RUNX1: variants seen among roughly 807,000 people sequenced by gnomAD.
The protein encoded by RUNX1 is runt-related transcription factor 1.
In RUNX1, 19 loss-of-function variants were observed where a neutral mutation model predicts 42.8. The observed-to-expected ratio is 0.44, with a 90% CI of 0.31 to 0.65. RUNX1 has a LOEUF of 0.65. Among genes scored for constraint, RUNX1 ranks in the 30% least tolerant of loss-of-function variants. The pLI, the probability that RUNX1 is intolerant of heterozygous loss-of-function variation, is 0.07. For synonymous variants in RUNX1, 271 were observed against 289.4 expected, an observed-to-expected ratio of 0.94 and a Z score of 0.64; for missense variants, 528 against 672.0, an observed-to-expected ratio of 0.79 and a Z score of 2.37.
In RUNX1 at chr21:34,887,075, A is replaced by G; in HGVS notation, c.119T>C (p.Phe40Ser). The change falls in exon 4 of 9, where the codon TTC becomes TCC. Residue 40 changes from phenylalanine to serine, a missense_variant. Physicochemically the swap from Phe to Ser is radical, Grantham distance 155. Around this residue, in one of 3 missense-constraint regions of RUNX1, gnomAD observed 114 missense variants for 115.0 expected, o/e 0.99. Coordinates refer to ENST00000675419, the MANE Select transcript of RUNX1 (RefSeq NM_001754.5). ...GCTCAGCGCGGTGGAAGGCGGCGTG[A>G]AGCGGCGGCTCGTGCTGGCATCTAC... ...DVHDASTSRR[F>S]TPPSTALSPG... is the part of the protein sequence containing the mutation. 6.3e-7 allele frequency: 1 copy of G among 1,598,778 alleles called. No individual in the cohort carries two copies. The highest frequency in any genetic ancestry group is 1.7e-4 in the Middle Eastern group (1 of 6,056).
At chr21:35,017,842 TAA>T (rs1334702419) in intron 2 of RUNX1, among the ~76,000 whole-genome samples, 1 of 152,120 alleles carries the variant, frequency 6.6e-6, no homozygotes, top group Non-Finnish European at 1.5e-5. Context: ...GAGAAAGAAG[TAA>T]AGTCTTTAGC....
intron 2 of RUNX1, among the ~76,000 whole-genome samples, chr21:35,039,630 G>A (rs1395233052): frequency 1.3e-5 from 2 of 152,102 alleles, no homozygotes; most frequent in Non-Finnish European, 2.9e-5. Context: ...ATTCACATCT[G>A]TAATACAATT....
At chr21:34,815,623 G>C (rs2056814888) in intron 7 of RUNX1, among the ~76,000 whole-genome samples, 1 of 152,188 alleles carries the variant, frequency 6.6e-6, no homozygotes, top group South Asian at 2.1e-4. Flanking sequence ...TTTTAGAGAA[G>C]GAGGCCACAC....
At chr21:34,927,678 A>G (rs1481678326) in intron 2 of RUNX1, among the ~76,000 whole-genome samples, 3 of 152,238 alleles carry the variant, frequency 2.0e-5, no homozygotes, top group Non-Finnish European at 2.9e-5. Flanking sequence ...GCACCATACA[A>G]TGAATATTTT....
chr21:35,048,132 T>G (rs2059414300), intron 2 of RUNX1, among the ~76,000 whole-genome samples: 3 of 152,242 alleles, frequency 2.0e-5, no homozygotes. Flanking sequence ...CTATTGCCCT[T>G]TTCCAGAGAG....
At position 34,787,824 on chromosome 21, in the gene RUNX1, T is replaced by C. The variant is rs1260105676; in HGVS notation, c.*4311A>G. 4 of 232,316 alleles carry C rather than the reference T, an allele frequency of 1.7e-5. No individual in the cohort carries two copies. The East Asian group carries it at 2.4e-4, about 14-fold the overall frequency. 14.4% of individuals were successfully genotyped at this position (232,316 alleles called of 1,614,324 possible). ...GATATGGTGTATGTACTTGTCAAACTGTTTATTTGCCATTCACACTGATTG... is the reference window on the plus strand; with the variant it reads ...GATATGGTGTATGTACTTGTCAAACCGTTTATTTGCCATTCACACTGATTG... On this transcript the variant is annotated 3_prime_UTR_variant, in exon 9 of 9. Transcript: ENST00000675419.
chr21:34,890,087 C>T (rs563757937), intron 3 of RUNX1, among the ~76,000 whole-genome samples: 1 of 152,248 alleles, frequency 6.6e-6, no homozygotes, highest in East Asian at 1.9e-4. Flanking sequence ...GGACTGTCCC[C>T]GGGCGTTGCC....
At chr21:34,865,792 G>A (rs2057653249) in intron 5 of RUNX1, among the ~76,000 whole-genome samples, 2 of 152,200 alleles carry the variant, frequency 1.3e-5, no homozygotes, top group African/African-American at 2.4e-5. Flanking sequence ...CTAAACCTCA[G>A]GATTGCTTCA....
chr21:34,825,773 A>G (rs891781749), intron 7 of RUNX1, among the ~76,000 whole-genome samples: 1 of 152,200 alleles, frequency 6.6e-6, no homozygotes, highest in African/African-American at 2.4e-5. Flanking sequence ...TAATTAAGTG[A>G]AGGATTTTGA....
At position 35,023,418 on chromosome 21, in the gene RUNX1, G is replaced by A. The variant is rs746145500; in HGVS notation, c.58+25424C>T. Among the ~76,000 whole-genome samples the A allele has an allele frequency of 3.3e-5, 5 of 152,346 alleles. 1 individual carries two copies. The South Asian group carries it at 1.0e-3, about 32-fold the overall frequency. On this transcript the variant is annotated intron_variant, in intron 2 of 8. Coordinates refer to ENST00000675419, the MANE Select transcript of RUNX1 (RefSeq NM_001754.5). The stretch of plus-strand genomic sequence containing the variant: ...AAAGCAGGCAGATTTTCACCTGCAA[G>A]CATTTCCCTTCTCCTCTGTCACTCT...
intron 3 of RUNX1, chr21:34,888,655 G>A (rs574228402): frequency 3.3e-5 from 35 of 1,049,600 alleles, no homozygotes; most frequent in Non-Finnish European, 3.7e-5. Context: ...GTCCGGCCGC[G>A]GGGCGCCCGT....
At chr21:34,821,350 T>G in intron 7 of RUNX1, 1 of 1,198,890 alleles carries the variant, frequency 8.3e-7, no homozygotes, top group Non-Finnish European at 1.0e-6. Context: ...AAATATTTGA[T>G]AAAAATATAT....
intron 2 of RUNX1, among the ~76,000 whole-genome samples, chr21:35,026,439 T>C (rs887723518): frequency 6.6e-6 from 1 of 152,252 alleles, no homozygotes; most frequent in Non-Finnish European, 1.5e-5. Flanking sequence ...AAAAGCAATC[T>C]GGATATTGCA....
At chr21:35,005,025 C>CTA (rs2059073757) in intron 2 of RUNX1, among the ~76,000 whole-genome samples, 1 of 152,200 alleles carries the variant, frequency 6.6e-6, no homozygotes, top group African/African-American at 2.4e-5. Flanking sequence ...CTGCTTTTCT[C>CTA]TATCCACAGC....
intron 7 of RUNX1, among the ~76,000 whole-genome samples, chr21:34,809,407 T>A (rs1264501442): frequency 3.3e-5 from 5 of 151,900 alleles, no homozygotes; most frequent in African/African-American, 1.2e-4. Flanking sequence ...AGAATGAGGA[T>A]ACTCACTCCA....
intron 2 of RUNX1, among the ~76,000 whole-genome samples, chr21:34,924,897 T>C (rs981075443): frequency 2.6e-5 from 4 of 152,180 alleles, no homozygotes; most frequent in Non-Finnish European, 4.4e-5. Flanking sequence ...CCTCACATTG[T>C]ATGTGTGAGA....
rs2058176927 is a variant in RUNX1 at position 34,901,449 on chromosome 21, G to A, written c.59-8486C>T. The stretch of plus-strand genomic sequence containing the variant: ...AATCGCTTGAACTCGGAAGGCGGAG[G>A]TTGCAGTGAGCTGAGATGGCACCAC... On this transcript the variant is annotated intron_variant, in intron 2 of 8. Transcript: ENST00000675419. The surrounding 1 kb of genome is among the most constrained non-coding windows in gnomAD (Gnocchi z 4.3). Among the ~76,000 whole-genome samples, 2 of 152,118 alleles carry A rather than the reference G, an allele frequency of 1.3e-5. No individual in the cohort carries two copies. The highest frequency in any genetic ancestry group is 2.9e-5 in the Non-Finnish European group (2 of 68,014).
intron 2 of RUNX1, among the ~76,000 whole-genome samples, chr21:34,974,344 C>T (rs1330421468): frequency 6.6e-6 from 1 of 151,520 alleles, no homozygotes; most frequent in African/African-American, 2.4e-5. Flanking sequence ...CCAGGGAACT[C>T]TACGGAAACG....
intron 2 of RUNX1, among the ~76,000 whole-genome samples, chr21:34,978,875 A>C (rs1477959343): frequency 6.6e-6 from 1 of 150,992 alleles, no homozygotes; most frequent in East Asian, 1.9e-4. Context: ...CAAAGAGGAG[A>C]TTTTCAGGTG....
Sources: allele counts gnomAD v4.1 joint callset (sites outside exome capture counted in the v4.1 genomes callset), GRCh38; gene constraint gnomAD v4.1.1; regional missense constraint gnomAD v4.1.1; non-coding constraint Gnocchi (gnomAD v3.1); transcripts MANE v1.5; gene names NCBI Gene and HGNC (gene_info 2026-07-23, HGNC 2026-07-21).